PCSK6: variants seen among roughly 807,000 people sequenced by gnomAD.
PCSK6 encodes proprotein convertase subtilisin/kexin type 6, also known as paired basic amino acid cleaving enzyme 4.
In PCSK6, 85 loss-of-function variants were observed where a neutral mutation model predicts 123.3. That is an observed-to-expected ratio of 0.69 (90% CI 0.58 to 0.83). PCSK6 has a LOEUF of 0.83. PCSK6 is among the 40% of genes least tolerant of loss of function. The probability of loss-of-function intolerance (pLI) is 0.00; values close to 1 mark genes in which losing one functional copy is unlikely to be tolerated. For missense variants in PCSK6, 1,191 were observed against 1,282.3 expected (o/e 0.93, Z 1.09); for synonymous variants, 508 against 516.0 (o/e 0.98, Z 0.21).
At chr15:101,315,291 C>T (rs2039963192) in intron 19 of PCSK6, among the ~76,000 whole-genome samples, 1 of 152,166 alleles carries the variant, frequency 6.6e-6, no homozygotes, top group Admixed American at 6.5e-5. Context: ...GTGTATTTTA[C>T]CGCAATAAAA....
intron 1 of PCSK6, among the ~76,000 whole-genome samples, chr15:101,449,808 T>A (rs2056986652): frequency 6.6e-6 from 1 of 152,080 alleles, no homozygotes; most frequent in African/African-American, 2.4e-5. Context: ...GTTTCTTCAT[T>A]TCCTGCCAAC....
intron 18 of PCSK6, among the ~76,000 whole-genome samples, chr15:101,319,120 T>A (rs1041200328): frequency 3.3e-5 from 5 of 152,230 alleles, no homozygotes; most frequent in African/African-American, 1.2e-4. Flanking sequence ...CCCCTCTACA[T>A]CTGTTTCCCT....
At chr15:101,345,053 TC>T in intron 13 of PCSK6, among the ~76,000 whole-genome samples, 1 of 152,352 alleles carries the variant, frequency 6.6e-6, no homozygotes, top group South Asian at 2.1e-4. Context: ...TTTTGTGGGT[TC>T]TAGTTACACA....
At chr15:101,373,447 G>C (rs1035755028) in intron 11 of PCSK6, among the ~76,000 whole-genome samples, 21 of 152,218 alleles carry the variant, frequency 1.4e-4, no homozygotes, top group Non-Finnish European at 2.5e-4. Flanking sequence ...GGCAGCGCGG[G>C]AGCCCAGGAC....
In PCSK6 at chr15:101,339,814, G is replaced by T. The variant is rs899167165; in HGVS notation, c.1859-7783C>A. 2.6e-5 allele frequency among the ~76,000 whole-genome samples: 4 copies of T among 152,040 alleles called. No homozygotes were observed. In the East Asian group the frequency reaches 5.8e-4, roughly 22 times the overall value. The stretch of plus-strand genomic sequence containing the variant: ...TAGTCCTATCCATTCAGGAGGCTGA[G>T]TTGGGAGGATTGCTAGAGCCCAAGA... On this transcript the variant is annotated intron_variant, in intron 13 of 21. Coordinates refer to ENST00000611716, the MANE Select transcript of PCSK6 (RefSeq NM_002570.5).
chr15:101,393,016 T>C (rs961492454), intron 8 of PCSK6, among the ~76,000 whole-genome samples, 196 bp downstream of exon 8: 4 of 152,196 alleles, frequency 2.6e-5, no homozygotes, highest in South Asian at 2.1e-4. Context: ...AGAAAGCCAG[T>C]GTCCGAGGAA....
chr15:101,325,093 C>G (rs1357664279), intron 16 of PCSK6, 47 bp from the exon 17 acceptor site: 1 of 1,426,870 alleles, frequency 7.0e-7, no homozygotes, highest in Non-Finnish European at 9.6e-7. Context: ...AACCCAGCCC[C>G]AGCCCCAGGC....
At chr15:101,350,038 A>G (rs898487656) in intron 13 of PCSK6, among the ~76,000 whole-genome samples, 13 of 152,060 alleles carry the variant, frequency 8.5e-5, no homozygotes, top group Admixed American at 7.9e-4. Flanking sequence ...CCTCCCGAGT[A>G]GCTGAGACTA....
chr15:101,318,472 T>C (rs562381061), intron 18 of PCSK6, 50 bp from the exon 19 acceptor site: 2 of 1,435,096 alleles, frequency 1.4e-6, no homozygotes, highest in African/African-American at 2.8e-5. Flanking sequence ...AAAGTCTAAT[T>C]ATGACTTGCC....
chr15:101,324,801 A>T, intron 17 of PCSK6, 49 bp downstream of exon 17: 1 of 1,503,802 alleles, frequency 6.6e-7, no homozygotes. Flanking sequence ...CGGGCCCAGA[A>T]AGTTGGGGCT....
chr15:101,356,943 G>A (rs73493397), intron 13 of PCSK6, among the ~76,000 whole-genome samples: 4,391 of 152,246 alleles, frequency 0.029, 132 homozygotes, highest in African/African-American at 0.081. Flanking sequence ...CCTAAGCCAC[G>A]TTCAATCTGA....
intron 1 of PCSK6, among the ~76,000 whole-genome samples, chr15:101,474,109 T>A (rs2057669944): frequency 6.6e-6 from 1 of 152,128 alleles, no homozygotes; most frequent in African/African-American, 2.4e-5. Context: ...AGCAATAAGG[T>A]TTCTTTTCTT....
intron 20 of PCSK6, among the ~76,000 whole-genome samples, chr15:101,311,335 C>T (rs1466049212): frequency 1.3e-5 from 2 of 149,462 alleles, no homozygotes. Flanking sequence ...CCATGTTGGC[C>T]AGGCTGGTCT....
rs114435256 is a variant in PCSK6, at chr15:101,479,975, T to G, written c.297+9399A>C. Among the ~76,000 whole-genome samples the G allele has an allele frequency of 7.5e-3, 1,143 of 152,256 alleles. 18 individuals carry two copies. Among genetic ancestry groups the G allele is most frequent in the African/African-American group, 0.026 (1,083 of 41,558 alleles). On this transcript the variant is annotated intron_variant, in intron 1 of 21. Transcript: ENST00000611716. ...AAGCCCAGCAGTGGTCATCTCAAGG[T>G]GATCTGCTTAAATGATCACAGGAGA...
chr15:101,307,609 C>A, intron 20 of PCSK6: 1 of 370,772 alleles, frequency 2.7e-6, no homozygotes, highest in East Asian at 5.7e-5. Flanking sequence ...CTTCCCGCAG[C>A]TCACCTGGAC....
chr15:101,359,992 TC>T (rs1555448871), intron 13 of PCSK6, among the ~76,000 whole-genome samples: 3 of 151,846 alleles, frequency 2.0e-5, no homozygotes, highest in East Asian at 3.9e-4. Context: ...TCCAGCATCT[TC>T]CCCCCCTGCA....
intron 1 of PCSK6, among the ~76,000 whole-genome samples, chr15:101,451,641 A>C (rs1335194219): frequency 6.6e-6 from 1 of 152,220 alleles, no homozygotes; most frequent in Non-Finnish European, 1.5e-5. Flanking sequence ...CCGCAGCTGC[A>C]GCGTGCCTGC....
At chr15:101,390,075 T>A (rs1038196919) in intron 8 of PCSK6, among the ~76,000 whole-genome samples, 2 of 136,638 alleles carry the variant, frequency 1.5e-5, no homozygotes, top group Admixed American at 1.5e-4. Context: ...AGCCAGTAGG[T>A]CATAAGCTGG....
At chr15:101,414,332 C>T (rs970847992) in intron 6 of PCSK6, among the ~76,000 whole-genome samples, 1 of 151,682 alleles carries the variant, frequency 6.6e-6, no homozygotes, top group Non-Finnish European at 1.5e-5. Flanking sequence ...ATGAGAAAAT[C>T]TAGTAAAATA....
Sources: allele counts gnomAD v4.1 joint callset (sites outside exome capture counted in the v4.1 genomes callset), GRCh38; gene constraint gnomAD v4.1.1; transcripts MANE v1.5; gene names NCBI Gene and HGNC (gene_info 2026-07-23, HGNC 2026-07-21).